STAT5A: variants seen among roughly 807,000 people sequenced by gnomAD.
STAT5A encodes the protein epididymis secretory sperm binding protein.
In STAT5A, 26 loss-of-function variants were observed where a neutral mutation model predicts 100.2. That is an observed-to-expected ratio of 0.26 (90% CI 0.19 to 0.36). STAT5A has a LOEUF of 0.36. Ranked by LOEUF, STAT5A falls within the 10% of genes least tolerant of loss-of-function variation. The pLI is 1.00. For synonymous variants in STAT5A, 330 were observed against 424.3 expected, an observed-to-expected ratio of 0.78 and a Z score of 2.73; for missense variants, 634 against 1,027.5, an observed-to-expected ratio of 0.62 and a Z score of 5.24.
rs759057425 is a variant in STAT5A, at chr17:42,300,138, C to A, written c.690C>A (p.Ala230=). The stretch of plus-strand genomic sequence containing the variant: ...CTCCTCCCTTCCCTCAGGAGCTGGC[C>A]GAGAAGCACCAGAAGACCCTGCAGC... The part of the protein sequence containing the change: ...QTLQQYRVEL[A]EKHQKTLQLL... Residue 230 remains alanine, a synonymous_variant, in exon 7 of 19, where the codon GCC becomes GCA. Transcript: ENST00000590949. 1.4e-6 allele frequency: 2 copies of A among 1,440,976 alleles called. No individual in the cohort carries two copies. Among genetic ancestry groups the A allele is most frequent in the Non-Finnish European group, 1.9e-6 (2 of 1,069,308 alleles). 89.3% of individuals were successfully genotyped at this position (1,440,976 alleles called of 1,614,324 possible).
chr17:42,298,454 C>G (rs1050500923), intron 5 of STAT5A, among the ~76,000 whole-genome samples: 2 of 150,400 alleles, frequency 1.3e-5, no homozygotes, highest in African/African-American at 4.9e-5. Context: ...AGCCACCGAG[C>G]CTGGCACATG....
At chr17:42,293,932 G>A (rs1242551853) in intron 4 of STAT5A, among the ~76,000 whole-genome samples, 1 of 152,058 alleles carries the variant, frequency 6.6e-6, no homozygotes, top group African/African-American at 2.4e-5. Flanking sequence ...TAGATAGAGA[G>A]GGCCAGGCGT....
chr17:42,289,407 C>T lies in STAT5A; in HGVS notation c.-5C>T, dbSNP rs1051242327. On this transcript the variant is annotated 5_prime_UTR_variant, in exon 2 of 19. It adds an upstream start codon to the 5' untranslated region. Coordinates refer to ENST00000590949, the MANE Select transcript of STAT5A (RefSeq NM_001288718.2). ...CAGCGCTCGGCTCGCCCTAGGTGAA[C>T]GGCCATGGCGGGCTGGATCCAGGCC... 2 of 1,606,762 alleles carry T rather than the reference C, an allele frequency of 1.2e-6. No homozygotes were observed. Among genetic ancestry groups the T allele is most frequent in the African/African-American group, 1.3e-5 (1 of 74,800 alleles).
chr17:42,305,216 A>T (rs1195677151), intron 11 of STAT5A, among the ~76,000 whole-genome samples: 1 of 151,874 alleles, frequency 6.6e-6, no homozygotes, highest in Non-Finnish European at 1.5e-5. Flanking sequence ...AATAAAGCAG[A>T]TTGCGGCCAT....
Position 42,309,377 on chromosome 17 carries a change from G to C in STAT5A, c.2115G>C (p.Glu705Asp). Residue 705 changes from glutamate to aspartate, a missense_variant and splice_region_variant, in exon 18 of 19, where the codon GAG (glutamate) becomes GAC (aspartate). Coordinates refer to ENST00000590949, the MANE Select transcript of STAT5A (RefSeq NM_001288718.2). ...AAGCTCTGTTCTCTTCCTTCTGCAG[G>C]TTTGTGAATGCATCTGCAGATGCTG... is the stretch of plus-strand genomic sequence containing the variant. ...VKPQIKQVVP[E>D]FVNASADAGG... The C allele has an allele frequency of 6.2e-7, 1 of 1,612,544 alleles. No homozygotes were observed.
chr17:42,305,550 C>A (rs1242169581), intron 11 of STAT5A, 60 bp from the exon 12 acceptor site: 3 of 1,424,362 alleles, frequency 2.1e-6, no homozygotes, highest in South Asian at 2.4e-5. Flanking sequence ...GGCATGTTGC[C>A]TAAGCAGAGG....
At chr17:42,299,132 G>A (rs970070506) in intron 5 of STAT5A, among the ~76,000 whole-genome samples, 3 of 152,158 alleles carry the variant, frequency 2.0e-5, no homozygotes, top group African/African-American at 7.2e-5. Flanking sequence ...CCCTGAAGAG[G>A]CCTTGCTGCG....
intron 5 of STAT5A, among the ~76,000 whole-genome samples, chr17:42,296,952 G>A (rs907034174): frequency 6.6e-6 from 1 of 151,902 alleles, no homozygotes; most frequent in East Asian, 1.9e-4. Context: ...TTGTTTGTTT[G>A]TTTGTTTATT....
chr17:42,310,515 A>G lies in STAT5A; in HGVS notation c.2231A>G (p.His744Arg). The G allele has an allele frequency of 1.2e-6, 2 of 1,614,124 alleles. No individual in the cohort carries two copies. ...CCCCCTGTCTTTACCAGCCCTGACC[A>G]TGTACTCGATCAGGATGGAGAATTC... is the stretch of plus-strand genomic sequence containing the variant. ...PYNMYPQNPD[H>R]VLDQDGEFDL... Residue 744 changes from histidine (H) to arginine (R), a missense_variant, in exon 19 of 19, where the codon CAT becomes CGT. His to Arg is a conservative substitution (Grantham distance 29). Around this residue, in one of 5 missense-constraint regions of STAT5A, gnomAD observed 88 missense variants for 95.1 expected, o/e 0.92. Coordinates refer to ENST00000590949, the MANE Select transcript of STAT5A (RefSeq NM_001288718.2).
In STAT5A at chr17:42,299,818, G is replaced by A; in HGVS notation, c.618G>A (p.Gln206=). 2 of 1,613,712 alleles carry A rather than the reference G, an allele frequency of 1.2e-6. No individual in the cohort carries two copies. The highest frequency in any genetic ancestry group is 2.7e-5 in the African/African-American group (2 of 74,944). ...TGAGCCGGGAGACGGCCCTCCAGCAGAAGCAGGTGTCTCTGGAGGCCTGGT... is the reference window on the plus strand; with the variant it reads ...TGAGCCGGGAGACGGCCCTCCAGCAAAAGCAGGTGTCTCTGGAGGCCTGGT... ...ERLSRETALQ[Q]KQVSLEAWLQ... The change falls in exon 6 of 19, where the codon CAG becomes CAA. Residue 206 remains glutamine (Q), a synonymous_variant. Coordinates refer to ENST00000590949, the MANE Select transcript of STAT5A (RefSeq NM_001288718.2).
At chr17:42,292,276 T>A (rs1048454555) in intron 4 of STAT5A, among the ~76,000 whole-genome samples, 2 of 152,168 alleles carry the variant, frequency 1.3e-5, no homozygotes, top group Non-Finnish European at 2.9e-5. Flanking sequence ...GCTGTGTGAC[T>A]TGAGCAAGTT....
chr17:42,295,789 C>T lies in STAT5A; in HGVS notation c.546C>T (p.Ile182=), dbSNP rs776978484. The T allele has an allele frequency of 1.1e-4, 170 of 1,613,754 alleles. No individual in the cohort carries two copies. The highest frequency in any genetic ancestry group is 1.6e-4 in the Middle Eastern group (1 of 6,066). The change falls in exon 5 of 19, where the codon ATC becomes ATT. Residue 182 remains isoleucine (I), a synonymous_variant. Transcript: ENST00000590949. The part of the protein sequence containing the change: ...FIIQYQESLR[I]QAQFAQLAQL... Reference sequence around the variant, plus strand: ...TCCAGTACCAGGAGAGCCTGAGGATCCAAGGTGAGGCGCGGTGGAGGCAGT... The same window carrying T: ...TCCAGTACCAGGAGAGCCTGAGGATTCAAGGTGAGGCGCGGTGGAGGCAGT...
rs1223547613 is a variant in STAT5A at position 42,309,056 on chromosome 17, T to TTGA, written c.2075_2077dup (p.Asp692dup). On this transcript the variant is annotated inframe_insertion, in exon 17 of 19. Coordinates refer to ENST00000590949, the MANE Select transcript of STAT5A (RefSeq NM_001288718.2). Reference sequence around the variant, plus strand: ...GTTCTTCCCTTGACAGCTAAAGCTGTTGATGGATATGTGAAACCACAGATC... The same window carrying TTGA: ...GTTCTTCCCTTGACAGCTAAAGCTGTTGATGATGGATATGTGAAACCACAGATC... 1 of 1,614,202 alleles carries TTGA rather than the reference T, an allele frequency of 6.2e-7. No homozygotes were observed. Among genetic ancestry groups the TTGA allele is most frequent in the Admixed American group, 1.7e-5 (1 of 60,028 alleles).
intron 4 of STAT5A, among the ~76,000 whole-genome samples, chr17:42,292,602 G>A (rs2080880844): frequency 6.6e-6 from 1 of 151,642 alleles, no homozygotes; most frequent in African/African-American, 2.4e-5. Context: ...TGGGGTTACA[G>A]GCGTGAGCCA....
At chr17:42,303,686 G>A (rs1266811855) in intron 9 of STAT5A, among the ~76,000 whole-genome samples, 3 of 151,944 alleles carry the variant, frequency 2.0e-5, no homozygotes, top group Non-Finnish European at 2.9e-5. Flanking sequence ...CTCCAGCCTG[G>A]GCAAAAAGAG....
intron 4 of STAT5A, among the ~76,000 whole-genome samples, chr17:42,294,615 G>C (rs1362316182): frequency 6.6e-6 from 1 of 152,226 alleles, no homozygotes; most frequent in African/African-American, 2.4e-5. Context: ...CAGTTAAAGT[G>C]CTTTGCCTCA....
rs1234388293 is a variant in STAT5A at position 42,307,405 on chromosome 17, A to G, written c.1684A>G (p.Asn562Asp). The change falls in exon 14 of 19, where the codon AAC becomes GAC. Residue 562 changes from asparagine to aspartate, a missense_variant. By Grantham distance (23) the Asn-to-Asp change is conservative. Coordinates refer to ENST00000590949, the MANE Select transcript of STAT5A (RefSeq NM_001288718.2). Reference protein sequence around the residue: ...SVSWSQFNRENLPGWNYTFWQ... With the variant: ...SVSWSQFNREDLPGWNYTFWQ... ...TCGGGGGTTCCTGGGCCCTCAGGAGAACTTGCCGGGCTGGAACTACACCTT... is the reference window on the plus strand; with the variant it reads ...TCGGGGGTTCCTGGGCCCTCAGGAGGACTTGCCGGGCTGGAACTACACCTT... 1.2e-6 allele frequency: 2 copies of G among 1,613,546 alleles called. No homozygotes were observed. Among genetic ancestry groups the G allele is most frequent in the Admixed American group, 3.3e-5 (2 of 59,952 alleles).
intron 5 of STAT5A, among the ~76,000 whole-genome samples, chr17:42,297,226 G>A (rs1212282572): frequency 2.0e-5 from 3 of 152,048 alleles, no homozygotes; most frequent in Admixed American, 6.6e-5. Context: ...CGTGAGCCAC[G>A]GTGCCCAGCC....
At position 42,310,658 on chromosome 17, in the gene STAT5A, T is replaced by C. The variant is rs2081071859; in HGVS notation, c.2374T>C (p.Ser792Pro). Residue 792 changes from serine (S) to proline (P), a missense_variant, in exon 19 of 19, where the codon TCC becomes CCC. Physicochemically the swap from Ser to Pro is moderately conservative, Grantham distance 74 (BLOSUM62 -1). Transcript: ENST00000590949. The stretch of plus-strand genomic sequence containing the variant: ...CGGTCTTTTCACCTCTGCCAGAGGC[T>C]CCCTCTCATGAATGTTTGAATCCCA... Reference protein sequence around the residue: ...PAGLFTSARGSLS With the variant: ...PAGLFTSARGPLS The C allele has an allele frequency of 2.8e-5, 45 of 1,614,026 alleles. No homozygotes were observed. Among genetic ancestry groups the C allele is most frequent in the Non-Finnish European group, 3.8e-5 (45 of 1,180,026 alleles).
Sources: gnomAD v4.1 joint callset for allele counts (sites outside exome capture counted in the v4.1 genomes callset) on GRCh38, gnomAD v4.1.1 for gene constraint, gnomAD v4.1.1 regional missense constraint, MANE v1.5 for transcripts, NCBI Gene and HGNC (gene_info 2026-07-23, HGNC 2026-07-21) for gene names.